NAA20: variants seen among roughly 807,000 people sequenced by gnomAD.
The protein encoded by NAA20 is N-alpha-acetyltransferase 20.
In NAA20, 24 loss-of-function variants were observed where a neutral mutation model predicts 23.8. The observed-to-expected ratio is 1.01, with a 90% CI of 0.73 to 1.42. The LOEUF (loss-of-function observed/expected upper bound fraction) is 1.42, where lower values mean the gene tolerates loss of function less well. NAA20 is among the 40% of genes most tolerant of loss of function. The pLI, the probability that NAA20 is intolerant of heterozygous loss-of-function variation, is 0.00. For synonymous variants in NAA20, 83 were observed against 77.7 expected (o/e 1.07, Z -0.36); for missense variants, 166 against 223.1 (o/e 0.74, Z 1.63).
chr20:20,018,322 T>C, intron 1 of NAA20: 1 of 512,494 alleles, frequency 2.0e-6, no homozygotes, highest in Non-Finnish European at 3.5e-6. Flanking sequence ...CAGTTAACAT[T>C]TTGCTACGCT....
chr20:20,021,024 G>C (rs867455546), intron 1 of NAA20, among the ~76,000 whole-genome samples: 8 of 124,730 alleles, frequency 6.4e-5, no homozygotes, highest in African/African-American at 1.2e-4. Context: ...GCCTGTGTGC[G>C]TGGGTTCGGT....
intron 4 of NAA20, among the ~76,000 whole-genome samples, chr20:20,027,866 A>G (rs993858666): frequency 2.0e-5 from 3 of 152,112 alleles, no homozygotes; most frequent in Admixed American, 2.0e-4. Flanking sequence ...TCATTCTAGA[A>G]GAGAGATGTT....
At chr20:20,018,149 C>A in intron 1 of NAA20, 2 of 1,515,270 alleles carry the variant, frequency 1.3e-6, no homozygotes, top group South Asian at 2.2e-5. Context: ...TGCCCAGAGC[C>A]CTGGATGCAG....
chr20:20,031,944 G>C (rs2043346425), intron 4 of NAA20, among the ~76,000 whole-genome samples: 1 of 152,232 alleles, frequency 6.6e-6, no homozygotes, highest in South Asian at 2.1e-4. Context: ...TGGAAAAACA[G>C]TTTGGTATTA....
At chr20:20,029,770 CAAT>C (rs1251139767) in intron 4 of NAA20, among the ~76,000 whole-genome samples, 5 of 151,970 alleles carry the variant, frequency 3.3e-5, no homozygotes, top group African/African-American at 9.7e-5. Flanking sequence ...ATTGATAGAA[CAAT>C]GAGATAGAAA....
Position 20,025,718 on chromosome 20 carries a change from A to G in NAA20, c.120A>G (p.Pro40=), listed in dbSNP as rs375943130. The G allele has an allele frequency of 1.9e-6, 3 of 1,612,260 alleles. No individual in the cohort carries two copies. Among genetic ancestry groups the G allele is most frequent in the Non-Finnish European group, 2.5e-6 (3 of 1,178,402 alleles). Residue 40 remains proline, a synonymous_variant, in exon 3 of 6, where the codon CCA becomes CCG. Coordinates refer to ENST00000334982, the MANE Select transcript of NAA20 (RefSeq NM_016100.5). The stretch of plus-strand genomic sequence containing the variant: ...ACCTACAATACCTCGCCCACTGGCC[A>G]GAGTATTTCATTGTTGCAGAGGCAC... ...PFYLQYLAHW[P]EYFIVAEAPG...
In NAA20 at chr20:20,017,958, C is replaced by A. The variant is rs920040045; in HGVS notation, c.53+509C>A. The stretch of plus-strand genomic sequence containing the variant: ...GTTGGGATGTGTACATCGTGAAGCC[C>A]ACCTGGTGGCCGTGGTTAAATTGTA... On this transcript the variant is annotated intron_variant, in intron 1 of 5. Transcript: ENST00000334982. 4 of 1,613,604 alleles carry A rather than the reference C, an allele frequency of 2.5e-6. No individual in the cohort carries two copies. In the African/African-American group the frequency reaches 5.3e-5, roughly 22 times the overall value.
intron 1 of NAA20, chr20:20,017,908 G>A (rs1057397304): frequency 6.2e-7 from 1 of 1,604,842 alleles, no homozygotes; most frequent in South Asian, 1.1e-5. Context: ...GGGGGCTTGC[G>A]AGGATCGGAA....
intron 4 of NAA20, among the ~76,000 whole-genome samples, chr20:20,032,084 G>A (rs1357268741): frequency 6.6e-6 from 1 of 151,994 alleles, no homozygotes; most frequent in East Asian, 1.9e-4. Context: ...CAACAGGACC[G>A]TGAATGACTT....
chr20:20,020,810 T>C (rs1362947678), intron 1 of NAA20, among the ~76,000 whole-genome samples: 1 of 152,228 alleles, frequency 6.6e-6, no homozygotes, highest in African/African-American at 2.4e-5. Flanking sequence ...CATTTCAGGC[T>C]GTCCCAGGAG....
chr20:20,021,042 G>A (rs866881702), intron 1 of NAA20, among the ~76,000 whole-genome samples: 1 of 114,820 alleles, frequency 8.7e-6, no homozygotes, highest in Non-Finnish European at 1.7e-5. Flanking sequence ...GGTGGGCGGG[G>A]GGGGGGGGGG....
chr20:20,018,042 G>A (rs56102309), intron 1 of NAA20: 8 of 1,614,216 alleles, frequency 5.0e-6, no homozygotes, highest in Non-Finnish European at 6.8e-6. Flanking sequence ...CTCAGTCATG[G>A]TTAGTGTTTG....
Position 20,032,749 on chromosome 20 carries a change from A to G in NAA20, c.451+96A>G. The G allele has an allele frequency of 6.5e-6, 9 of 1,389,586 alleles. No homozygotes were observed. In the South Asian group the frequency reaches 1.6e-4, roughly 25 times the overall value. 86.1% of individuals were successfully genotyped at this position (1,389,586 alleles called of 1,614,324 possible). On this transcript the variant is annotated intron_variant, in intron 5 of 5. Coordinates refer to ENST00000334982, the MANE Select transcript of NAA20 (RefSeq NM_016100.5). Reference sequence around the variant, plus strand: ...TTGATTATTTTAATAAATGTAGAATATTTGACTTTAAAATTTAAATTTCCC... The same window carrying G: ...TTGATTATTTTAATAAATGTAGAATGTTTGACTTTAAAATTTAAATTTCCC...
intron 4 of NAA20, 67 bp from the exon 5 acceptor site, chr20:20,032,440 AT>A: frequency 4.0e-6 from 6 of 1,504,602 alleles, no homozygotes; most frequent in Non-Finnish European, 5.4e-6. Flanking sequence ...TTTAAAAAAA[AT>A]ATGTATCTAT....
chr20:20,033,643 T>C lies in NAA20; in HGVS notation c.*456T>C, dbSNP rs2043365139. ...TGACTCTATGAATGTTTTCTGAAGT[T>C]TGTTAGTCATTTGTAAAACTAAATC... On this transcript the variant is annotated 3_prime_UTR_variant, in exon 6 of 6. Coordinates refer to ENST00000334982, the MANE Select transcript of NAA20 (RefSeq NM_016100.5). The C allele has an allele frequency of 1.3e-5, 2 of 152,790 alleles. No individual in the cohort carries two copies. The highest frequency in any genetic ancestry group is 4.8e-5 in the African/African-American group (2 of 41,452). 9.5% of individuals were successfully genotyped at this position (152,790 alleles called of 1,614,324 possible).
At position 20,033,470 on chromosome 20, in the gene NAA20, G is replaced by T; in HGVS notation, c.*283G>T. 1 of 284,042 alleles carries T rather than the reference G, an allele frequency of 3.5e-6. No homozygotes were observed. Among genetic ancestry groups the T allele is most frequent in the Non-Finnish European group, 6.6e-6 (1 of 151,390 alleles). 17.6% of individuals were successfully genotyped at this position (284,042 alleles called of 1,614,324 possible). On this transcript the variant is annotated 3_prime_UTR_variant, in exon 6 of 6. Coordinates refer to ENST00000334982, the MANE Select transcript of NAA20 (RefSeq NM_016100.5). ...CATAGTATTCACTGTATGTATGCTA[G>T]GGAAAAGACTTGCTCCAGTCTCCTC...
Position 20,032,492 on chromosome 20 carries a change from T to A in NAA20, c.306-16T>A. 1 of 1,606,262 alleles carries A rather than the reference T, an allele frequency of 6.2e-7. No individual in the cohort carries two copies. The highest frequency in any genetic ancestry group is 8.5e-7 in the Non-Finnish European group (1 of 1,177,282). Reference sequence around the variant, plus strand: ...CTCACATTCTAACATTTTCCTTTTTTGTTTTTCTTTTAAAGAAAGGGTGGA... The same window carrying A: ...CTCACATTCTAACATTTTCCTTTTTAGTTTTTCTTTTAAAGAAAGGGTGGA... On this transcript the variant is annotated splice_polypyrimidine_tract_variant and intron_variant, in intron 4 of 5. Transcript: ENST00000334982.
At chr20:20,028,190 G>T (rs6046550) in intron 4 of NAA20, among the ~76,000 whole-genome samples, 10,254 of 152,126 alleles carry the variant, frequency 0.067, 401 homozygotes, top group East Asian at 0.11. Context: ...ATTTTAGCAT[G>T]ATTATAGTTT....
At chr20:20,021,118 G>A (rs182418733) in intron 1 of NAA20, among the ~76,000 whole-genome samples, 10 of 152,028 alleles carry the variant, frequency 6.6e-5, no homozygotes, top group East Asian at 1.9e-4. Flanking sequence ...CTGAGATGGC[G>A]GGGCTGGAGG....
Sources: gnomAD v4.1 joint callset for allele counts (sites outside exome capture counted in the v4.1 genomes callset) on GRCh38, gnomAD v4.1.1 for gene constraint, MANE v1.5 for transcripts, NCBI Gene and HGNC (gene_info 2026-07-23, HGNC 2026-07-21) for gene names.